The following TSHZ2 variants were observed in gnomAD, a reference collection of about 807,000 sequenced individuals.
TSHZ2 encodes the protein teashirt zinc finger homeobox 2, also known as teashirt homolog 2.
In TSHZ2, 21 loss-of-function variants were observed where a neutral mutation model predicts 74.4. The observed-to-expected ratio is 0.28, with a 90% CI of 0.20 to 0.41. The LOEUF (loss-of-function observed/expected upper bound fraction) is 0.41, where lower values mean the gene tolerates loss of function less well. Ranked by LOEUF, TSHZ2 falls within the 10% of genes least tolerant of loss-of-function variation. TSHZ2 has a pLI of 1.00. For missense variants in TSHZ2, 1,244 were observed against 1,293.5 expected (o/e 0.96, Z 0.59); for synonymous variants, 540 against 515.3 (o/e 1.05, Z -0.65).
At chr20:53,260,834 G>A (rs953407257) in intron 2 of TSHZ2, among the ~76,000 whole-genome samples, 3 of 152,186 alleles carry the variant, frequency 2.0e-5, no homozygotes, top group Non-Finnish European at 2.9e-5. Context: ...ATGCTCTGTA[G>A]CCTCACCTGC....
chr20:53,159,795 A>G (rs973085897), intron 1 of TSHZ2, among the ~76,000 whole-genome samples: 1 of 152,200 alleles, frequency 6.6e-6, no homozygotes, highest in East Asian at 1.9e-4. Flanking sequence ...TTCATTTGAC[A>G]AATATTTATT....
chr20:53,121,377 T>C (rs532980703), intron 1 of TSHZ2, among the ~76,000 whole-genome samples: 1 of 152,314 alleles, frequency 6.6e-6, no homozygotes, highest in African/African-American at 2.4e-5. Context: ...GTGGGCAAGA[T>C]ATATATAGCC....
chr20:53,113,472 C>T (rs1212976368), intron 1 of TSHZ2, among the ~76,000 whole-genome samples: 3 of 152,206 alleles, frequency 2.0e-5, no homozygotes, highest in Non-Finnish European at 2.9e-5. Flanking sequence ...TTATCAACCA[C>T]TCACGTATCT....
At chr20:53,039,643 G>T (rs1983963276) in intron 1 of TSHZ2, among the ~76,000 whole-genome samples, 1 of 152,166 alleles carries the variant, frequency 6.6e-6, no homozygotes, top group Admixed American at 6.5e-5. Flanking sequence ...AGCTGGGTGT[G>T]GTGGCAGGCA....
chr20:53,193,937 G>A lies in TSHZ2; in HGVS notation c.41-59562G>A, dbSNP rs1014169418. On this transcript the variant is annotated intron_variant, in intron 1 of 2. Transcript: ENST00000371497. ...TAAAAGACAAAGTGGACAACGGGGA[G>A]GTTCTCATTTCCCTCCTCCTCAGTG... Among the ~76,000 whole-genome samples the A allele has an allele frequency of 4.9e-4, 75 of 152,176 alleles. 2 individuals carry two copies. The highest frequency in any genetic ancestry group is 3.1e-4 in the Non-Finnish European group (21 of 68,042).
At chr20:53,342,957 T>TG (rs1980274133) in intron 2 of TSHZ2, among the ~76,000 whole-genome samples, 1 of 68,882 alleles carries the variant, frequency 1.5e-5, no homozygotes, top group Admixed American at 1.7e-4. Flanking sequence ...TTTCTTTTCT[T>TG]TTTTTTTTTT....
intron 2 of TSHZ2, among the ~76,000 whole-genome samples, chr20:53,454,516 C>T (rs570049305): frequency 5.3e-5 from 8 of 151,262 alleles, no homozygotes; most frequent in East Asian, 3.9e-4. Flanking sequence ...GAGCTGAGAT[C>T]GTACCACTGC....
intron 1 of TSHZ2, among the ~76,000 whole-genome samples, chr20:52,980,623 T>C (rs1453389134): frequency 1.3e-5 from 2 of 152,200 alleles, no homozygotes; most frequent in African/African-American, 4.8e-5. Flanking sequence ...AATACAGTTA[T>C]TGCTTTTAAT....
intron 2 of TSHZ2, among the ~76,000 whole-genome samples, chr20:53,312,005 C>A (rs1229585449): frequency 6.6e-6 from 1 of 152,042 alleles, no homozygotes; most frequent in Non-Finnish European, 1.5e-5. Flanking sequence ...CATTTGAGCC[C>A]AGGAAGTTGA....
At chr20:53,003,133 C>T (rs1307445144) in intron 1 of TSHZ2, among the ~76,000 whole-genome samples, 1 of 152,142 alleles carries the variant, frequency 6.6e-6, no homozygotes, top group African/African-American at 2.4e-5. Context: ...TTTTTCTAAG[C>T]ACTTCCAGTA....
chr20:53,134,855 A>G (rs1404927582), intron 1 of TSHZ2, among the ~76,000 whole-genome samples: 7 of 151,958 alleles, frequency 4.6e-5, no homozygotes, highest in Non-Finnish European at 1.5e-5. Context: ...ACCCCATCCG[A>G]AAACCCAAAT....
chr20:53,091,065 T>C (rs1293448), intron 1 of TSHZ2, among the ~76,000 whole-genome samples: 63,125 of 152,078 alleles, frequency 0.42, 13,220 homozygotes, highest in South Asian at 0.54. Flanking sequence ...TTTTAAGTGG[T>C]ACACAGATAA....
chr20:52,995,328 C>G (rs1217256803), intron 1 of TSHZ2, among the ~76,000 whole-genome samples: 2 of 152,184 alleles, frequency 1.3e-5, no homozygotes, highest in African/African-American at 2.4e-5. Flanking sequence ...TAGCCACTAG[C>G]AGAAAAGAAC....
At chr20:53,005,052 C>T (rs1982588150) in intron 1 of TSHZ2, among the ~76,000 whole-genome samples, 2 of 152,176 alleles carry the variant, frequency 1.3e-5, no homozygotes, top group South Asian at 4.1e-4. Flanking sequence ...GTGGCTCACA[C>T]TTGTAATCCC....
At chr20:53,145,222 G>C (rs1483595927) in intron 1 of TSHZ2, among the ~76,000 whole-genome samples, 1 of 152,152 alleles carries the variant, frequency 6.6e-6, no homozygotes, top group African/African-American at 2.4e-5. Context: ...CTCTGATCAG[G>C]ACATGGTGGG....
intron 2 of TSHZ2, among the ~76,000 whole-genome samples, chr20:53,257,480 A>T (rs1319487090): frequency 1.3e-5 from 2 of 152,200 alleles, no homozygotes; most frequent in African/African-American, 4.8e-5. Context: ...TGCCCAGACC[A>T]TTTGTGTCAT....
At chr20:53,020,223 T>C (rs1983192052) in intron 1 of TSHZ2, among the ~76,000 whole-genome samples, 1 of 152,212 alleles carries the variant, frequency 6.6e-6, no homozygotes, top group South Asian at 2.1e-4. Flanking sequence ...AGCCCAACCA[T>C]GTCACTTCGT....
intron 1 of TSHZ2, among the ~76,000 whole-genome samples, chr20:53,012,913 T>G (rs1453354102): frequency 6.6e-6 from 1 of 152,162 alleles, no homozygotes; most frequent in Non-Finnish European, 1.5e-5. Flanking sequence ...CTGGGGAAAT[T>G]AGCTCCAGGT....
At chr20:53,400,062 A>C (rs1982601099) in intron 2 of TSHZ2, 1 of 152,840 alleles carries the variant, frequency 6.5e-6, no homozygotes, top group Non-Finnish European at 1.5e-5. Context: ...CATACTGTAG[A>C]GTGCTGAGCA....
Sources: gnomAD v4.1 joint callset for allele counts (sites outside exome capture counted in the v4.1 genomes callset) on GRCh38, gnomAD v4.1.1 for gene constraint, MANE v1.5 for transcripts, NCBI Gene and HGNC (gene_info 2026-07-23, HGNC 2026-07-21) for gene names.